The following TMEM106B variants were observed in gnomAD, a reference collection of about 807,000 sequenced individuals.
The protein encoded by TMEM106B is transmembrane protein 106B.
TMEM106B carries 15 observed loss-of-function variants against 31.1 expected under a neutral mutation model. The ratio of observed to expected loss-of-function variants is 0.48; its 90% CI spans 0.32 to 0.74. The LOEUF is 0.74. TMEM106B is among the 30% of genes least tolerant of loss of function. The probability of loss-of-function intolerance (pLI) is 0.03; values close to 1 mark genes in which losing one functional copy is unlikely to be tolerated. For synonymous variants in TMEM106B, 126 were observed against 112.5 expected, an observed-to-expected ratio of 1.12 and a Z score of -0.76; for missense variants, 283 against 327.3, an observed-to-expected ratio of 0.86 and a Z score of 1.04.
At chr7:12,215,587 ATTTTTTT>A (rs1781671030) in intron 2 of TMEM106B, 1 of 329,086 alleles carries the variant, frequency 3.0e-6, no homozygotes, top group Non-Finnish European at 6.3e-6. Flanking sequence ...TTAAAATTTT[ATTTTTTT>A]AATAATAAGG....
chr7:12,215,701 A>G, intron 2 of TMEM106B: 1 of 281,354 alleles, frequency 3.6e-6, no homozygotes, highest in South Asian at 3.5e-5. Context: ...TACAGCTGTG[A>G]GCCACCACGC....
At chr7:12,217,486 G>A (rs1368833825) in intron 2 of TMEM106B, among the ~76,000 whole-genome samples, 2 of 152,168 alleles carry the variant, frequency 1.3e-5, no homozygotes. Context: ...TGACATGAGT[G>A]ATCAAAAATG....
rs1782064945 is a variant in TMEM106B, at chr7:12,233,307, G to A, written c.*1332G>A. 1 of 149,070 alleles carries A rather than the reference G, an allele frequency of 6.7e-6. No individual in the cohort carries two copies. The highest frequency in any genetic ancestry group is 2.5e-5 in the African/African-American group (1 of 40,672). 9.2% of individuals were successfully genotyped at this position (149,070 alleles called of 1,614,324 possible). ...TAAAATATGTACTAAGTGTAGGAGT[G>A]GTTATGATACCAAAAAATGTAGCTG... On this transcript the variant is annotated 3_prime_UTR_variant, in exon 8 of 8. Coordinates refer to ENST00000396668, the MANE Select transcript of TMEM106B (RefSeq NM_001134232.2).
intron 4 of TMEM106B, among the ~76,000 whole-genome samples, chr7:12,226,567 G>C (rs1166208486): frequency 6.6e-6 from 1 of 152,126 alleles, no homozygotes; most frequent in Non-Finnish European, 1.5e-5. Context: ...TTTTCTTGCA[G>C]AGGTTAATGG....
chr7:12,219,408 G>T (rs996464905), intron 3 of TMEM106B, among the ~76,000 whole-genome samples: 4 of 152,134 alleles, frequency 2.6e-5, no homozygotes, highest in African/African-American at 9.7e-5. Context: ...ACCTTTTCTT[G>T]AAAGTACAAA....
At chr7:12,218,650 A>C in intron 3 of TMEM106B, 129 bp downstream of exon 3, 29 of 724,752 alleles carry the variant, frequency 4.0e-5, no homozygotes, top group Non-Finnish European at 6.2e-5. Flanking sequence ...AAATTATGTC[A>C]TCATATGCTT....
intron 3 of TMEM106B, among the ~76,000 whole-genome samples, chr7:12,221,426 G>C (rs1384330988): frequency 6.6e-6 from 1 of 152,120 alleles, no homozygotes; most frequent in Non-Finnish European, 1.5e-5. Context: ...TAGGGAGCAA[G>C]AGTTTTAGCA....
At chr7:12,220,798 T>A (rs1289385726) in intron 3 of TMEM106B, among the ~76,000 whole-genome samples, 1 of 152,220 alleles carries the variant, frequency 6.6e-6, no homozygotes, top group Non-Finnish European at 1.5e-5. Flanking sequence ...GCAAATTATT[T>A]ATTGTGCCAA....
Position 12,231,125 on chromosome 7 carries a change from A to T in TMEM106B, c.686+10A>T. On this transcript the variant is annotated intron_variant, in intron 7 of 7. Coordinates refer to ENST00000396668, the MANE Select transcript of TMEM106B (RefSeq NM_001134232.2). ...TAGTACTCATGATGCAGTAAGTACA[A>T]ATCTTTTTTGAAAGAGATTTTGCTT... 1 of 1,590,900 alleles carries T rather than the reference A, an allele frequency of 6.3e-7. No individual in the cohort carries two copies.
rs1416116561 is a variant in TMEM106B at position 12,242,500 on chromosome 7, C to T, written c.*10525C>T. On this transcript the variant is annotated 3_prime_UTR_variant, in exon 8 of 8. Coordinates refer to ENST00000396668, the MANE Select transcript of TMEM106B (RefSeq NM_001134232.2). ...TTTTAGAATAAATCTAAACAGAGAC[C>T]ACACTGATATCTGTAACAACCTATG... The T allele has an allele frequency of 2.0e-5, 3 of 151,504 alleles. No homozygotes were observed. The allele number at this position is 151,504 out of a possible 1,614,324, so 9.4% of individuals were successfully genotyped here.
chr7:12,218,448 T>C lies in TMEM106B; in HGVS notation c.218-10T>C, dbSNP rs1781729247. 8 of 1,609,854 alleles carry C rather than the reference T, an allele frequency of 5.0e-6. No individual in the cohort carries two copies. Among genetic ancestry groups the C allele is most frequent in the Non-Finnish European group, 6.8e-6 (8 of 1,177,636 alleles). ...ATAGTAATTTCTGAACTTACTTCTT[T>C]CACATTTAGGGCAAGAAAACCAACT... On this transcript the variant is annotated splice_polypyrimidine_tract_variant and intron_variant, in intron 2 of 7. Coordinates refer to ENST00000396668, the MANE Select transcript of TMEM106B (RefSeq NM_001134232.2).
intron 3 of TMEM106B, among the ~76,000 whole-genome samples, chr7:12,219,683 T>A (rs1347102796): frequency 1.3e-5 from 2 of 151,968 alleles, no homozygotes; most frequent in African/African-American, 2.4e-5. Flanking sequence ...CTGGAAAGAA[T>A]TAGAAGAAAA....
intron 7 of TMEM106B, 110 bp from the exon 8 acceptor site, chr7:12,231,727 A>T (rs1583221631): frequency 2.3e-6 from 2 of 877,658 alleles, no homozygotes; most frequent in African/African-American, 1.7e-5. Flanking sequence ...AGTTATCATT[A>T]ATCAAATATT....
intron 2 of TMEM106B, among the ~76,000 whole-genome samples, chr7:12,217,393 A>T (rs1178243604): frequency 1.3e-5 from 2 of 152,206 alleles, no homozygotes; most frequent in African/African-American, 4.8e-5. Context: ...AGTTGAAGTT[A>T]TAAAATTGTG....
chr7:12,224,456 A>G (rs1231203075), intron 4 of TMEM106B, 71 bp downstream of exon 4: 1 of 1,300,596 alleles, frequency 7.7e-7, no homozygotes, highest in Non-Finnish European at 1.1e-6. Context: ...CTTTGTCCCC[A>G]TTGAGAAGAG....
At chr7:12,214,788 A>T in intron 1 of TMEM106B, 21 bp from the exon 2 acceptor site, 1 of 1,568,672 alleles carries the variant, frequency 6.4e-7, no homozygotes, top group Non-Finnish European at 8.6e-7. Flanking sequence ...AGTTTACTGT[A>T]AGATTTTTAT....
chr7:12,239,011 G>A lies in TMEM106B; in HGVS notation c.*7036G>A, dbSNP rs1782193783. ...AAAGGCAAGCATTGACTTCTCTTTA[G>A]CTATGAAAGTTTTAGATGGCACCTT... On this transcript the variant is annotated 3_prime_UTR_variant, in exon 8 of 8. Coordinates refer to ENST00000396668, the MANE Select transcript of TMEM106B (RefSeq NM_001134232.2). 6.6e-6 allele frequency: 1 copy of A among 152,086 alleles called. No homozygotes were observed. The highest frequency in any genetic ancestry group is 1.5e-5 in the Non-Finnish European group (1 of 67,996). 9.4% of individuals were successfully genotyped at this position (152,086 alleles called of 1,614,324 possible).
chr7:12,220,474 G>A (rs931894515), intron 3 of TMEM106B, among the ~76,000 whole-genome samples: 4 of 152,068 alleles, frequency 2.6e-5, no homozygotes, highest in African/African-American at 9.7e-5. Flanking sequence ...TAGAAGCTAT[G>A]AACAGCTAGT....
intron 2 of TMEM106B, chr7:12,215,577 T>C: frequency 3.1e-6 from 1 of 325,296 alleles, no homozygotes; most frequent in Non-Finnish European, 6.4e-6. Context: ...CATGTTATTT[T>C]TAAAATTTTA....
Sources: gnomAD v4.1 joint callset for allele counts (sites outside exome capture counted in the v4.1 genomes callset) on GRCh38, gnomAD v4.1.1 for gene constraint, MANE v1.5 for transcripts, NCBI Gene and HGNC (gene_info 2026-07-23, HGNC 2026-07-21) for gene names.